SDK1: variants seen among roughly 807,000 people sequenced by gnomAD.
SDK1 encodes the protein protein sidekick-1.
A neutral mutation model predicts 245.5 loss-of-function variants in SDK1; 157 were observed. That is an observed-to-expected ratio of 0.64 (90% CI 0.56 to 0.73). The LOEUF (loss-of-function observed/expected upper bound fraction) is 0.73. SDK1 is among the 30% of genes least tolerant of loss of function. The probability of loss-of-function intolerance (pLI) is 0.00; values close to 1 mark genes in which losing one functional copy is unlikely to be tolerated. For synonymous variants in SDK1, 1,647 were observed against 1,278.5 expected (o/e 1.29, Z -6.15); for missense variants, 3,583 against 3,002.3 (o/e 1.19, Z -4.52).
intron 1 of SDK1, among the ~76,000 whole-genome samples, chr7:3,548,464 TGAGAG>T (rs759408316): frequency 8.5e-5 from 13 of 152,196 alleles, no homozygotes; most frequent in Non-Finnish European, 1.9e-4. Flanking sequence ...GTCCCAAAGA[TGAGAG>T]GAGAGAAACA....
At chr7:4,031,677 A>C (rs1263622149) in intron 17 of SDK1, among the ~76,000 whole-genome samples, 1 of 149,144 alleles carries the variant, frequency 6.7e-6, no homozygotes, top group Admixed American at 6.7e-5. Context: ...GATATAGCAA[A>C]TATATGTAGC....
chr7:3,969,046 C>A (rs922531435), intron 10 of SDK1, among the ~76,000 whole-genome samples: 3 of 152,186 alleles, frequency 2.0e-5, no homozygotes, highest in African/African-American at 7.2e-5. Context: ...AGAACTCCCT[C>A]ACTATCAGGA....
intron 1 of SDK1, among the ~76,000 whole-genome samples, chr7:3,469,009 G>C (rs983639894): frequency 6.6e-6 from 1 of 152,144 alleles, no homozygotes; most frequent in Non-Finnish European, 1.5e-5. Context: ...TATTAACAAC[G>C]TGTTAGGCTT....
At chr7:3,857,787 CT>C (rs979239792) in intron 5 of SDK1, among the ~76,000 whole-genome samples, 1 of 151,930 alleles carries the variant, frequency 6.6e-6, no homozygotes, top group African/African-American at 2.4e-5. Flanking sequence ...TGGAAAAATT[CT>C]TTTTCCTGTT....
At chr7:4,060,411 A>C (rs1163001965) in intron 19 of SDK1, among the ~76,000 whole-genome samples, 1 of 152,146 alleles carries the variant, frequency 6.6e-6, no homozygotes, top group Non-Finnish European at 1.5e-5. Flanking sequence ...AAAACAATAC[A>C]TGTGTTTTTT....
intron 25 of SDK1, among the ~76,000 whole-genome samples, chr7:4,122,129 C>A (rs186165864): frequency 6.6e-6 from 1 of 152,038 alleles, no homozygotes; most frequent in East Asian, 1.9e-4. Flanking sequence ...GCAGGACTTC[C>A]GCTCCCCCTC....
rs556670965 is a variant in SDK1 at position 3,605,963 on chromosome 7, A to G, written c.299-13117A>G. 8.5e-5 allele frequency among the ~76,000 whole-genome samples: 13 copies of G among 152,204 alleles called. No homozygotes were observed. The East Asian group carries it at 2.1e-3, about 25-fold the overall frequency. ...GAATGATCCAATTATCTAATTCCAGATGTTACTTTTGAAAGATATTAATTT... is the reference window on the plus strand; with the variant it reads ...GAATGATCCAATTATCTAATTCCAGGTGTTACTTTTGAAAGATATTAATTT... On this transcript the variant is annotated intron_variant, in intron 1 of 44. Transcript: ENST00000404826.
chr7:4,230,841 A>G (rs1785715136), intron 40 of SDK1, among the ~76,000 whole-genome samples: 1 of 152,160 alleles, frequency 6.6e-6, no homozygotes, highest in Non-Finnish European at 1.5e-5. Flanking sequence ...TTGACCTCAA[A>G]AAGATGAGTC....
At chr7:3,554,679 A>C (rs923737086) in intron 1 of SDK1, among the ~76,000 whole-genome samples, 13 of 152,220 alleles carry the variant, frequency 8.5e-5, no homozygotes, top group Admixed American at 3.3e-4. Context: ...GATAGTCTTC[A>C]ATCACCTAGG....
intron 40 of SDK1, among the ~76,000 whole-genome samples, chr7:4,226,526 G>A (rs1434297388): frequency 1.3e-5 from 2 of 152,240 alleles, no homozygotes; most frequent in Non-Finnish European, 2.9e-5. Context: ...GCCATGTGGA[G>A]ACGCAGAACT....
At chr7:3,597,567 C>T (rs538670257) in intron 1 of SDK1, among the ~76,000 whole-genome samples, 1 of 152,212 alleles carries the variant, frequency 6.6e-6, no homozygotes, top group African/African-American at 2.4e-5. Context: ...CTGGAGTGTC[C>T]CATTTTAGGA....
At chr7:3,550,462 T>C (rs1779365882) in intron 1 of SDK1, among the ~76,000 whole-genome samples, 1 of 152,212 alleles carries the variant, frequency 6.6e-6, no homozygotes, top group Non-Finnish European at 1.5e-5. Context: ...ATGTGCCTCA[T>C]GTCCCCTTTA....
At chr7:3,375,296 TACTG>T (rs1781327165) in intron 1 of SDK1, among the ~76,000 whole-genome samples, 1 of 152,150 alleles carries the variant, frequency 6.6e-6, no homozygotes. Context: ...ATCAGTATAA[TACTG>T]ACCCAGGACT....
chr7:3,992,452 A>C (rs1197915524), intron 14 of SDK1, among the ~76,000 whole-genome samples: 1 of 152,068 alleles, frequency 6.6e-6, no homozygotes, highest in Non-Finnish European at 1.5e-5. Context: ...CACCTGGTGG[A>C]TTGAGGAGGG....
rs1788681963 is a variant in SDK1 at position 4,042,122 on chromosome 7, A to C, written c.2603-7226A>C. ...CCACCGTGCCCGGCCAACAGTTGCA[A>C]ATGTTTGAATGGCTGTAAACGGTGG... On this transcript the variant is annotated intron_variant, in intron 17 of 44. Transcript: ENST00000404826. 1.5e-5 allele frequency among the ~76,000 whole-genome samples: 2 copies of C among 136,012 alleles called. 1 individual carries two copies. Among genetic ancestry groups the C allele is most frequent in the African/African-American group, 6.8e-5 (2 of 29,548 alleles). The allele number at this position is 136,012 out of a possible 152,430, so 89.2% of individuals were successfully genotyped here.
At chr7:3,302,396 C>T (rs965940439) in intron 1 of SDK1, 3 of 152,210 alleles carry the variant, frequency 2.0e-5, no homozygotes, top group Non-Finnish European at 4.4e-5. Flanking sequence ...AAGCCCGACC[C>T]CAAGTGGGTG....
chr7:3,436,722 C>G (rs966993330), intron 1 of SDK1, among the ~76,000 whole-genome samples: 14 of 152,130 alleles, frequency 9.2e-5, no homozygotes, highest in Non-Finnish European at 1.6e-4. Flanking sequence ...GTAATTGCCA[C>G]TAAATCGTGA....
At chr7:3,534,696 A>G (rs1054404445) in intron 1 of SDK1, among the ~76,000 whole-genome samples, 6 of 152,216 alleles carry the variant, frequency 3.9e-5, no homozygotes, top group African/African-American at 1.4e-4. Context: ...ACAGGTGTTA[A>G]GAAATTACTT....
In SDK1 at chr7:4,196,343, G is replaced by A. The variant is rs1297617238; in HGVS notation, c.5099-9536G>A. On this transcript the variant is annotated intron_variant, in intron 35 of 44. Coordinates refer to ENST00000404826, the MANE Select transcript of SDK1 (RefSeq NM_152744.4). Reference sequence around the variant, plus strand: ...TCCGGGCTGGGTCCCCACACCCTGTGCACTCCCTAGCTACAGCCAAAGCCA... The same window carrying A: ...TCCGGGCTGGGTCCCCACACCCTGTACACTCCCTAGCTACAGCCAAAGCCA... Among the ~76,000 whole-genome samples the A allele has an allele frequency of 5.3e-5, 8 of 152,320 alleles. No individual in the cohort carries two copies. The East Asian group carries it at 1.5e-3, about 29-fold the overall frequency.
Sources: gnomAD v4.1 joint callset for allele counts (sites outside exome capture counted in the v4.1 genomes callset) on GRCh38, gnomAD v4.1.1 for gene constraint, MANE v1.5 for transcripts, NCBI Gene and HGNC (gene_info 2026-07-23, HGNC 2026-07-21) for gene names.